Variants in UNKL observed in about 807,000 individuals in gnomAD.
UNKL encodes putative E3 ubiquitin-protein ligase UNKL.
In UNKL, 60 loss-of-function variants were observed where a neutral mutation model predicts 78.0. The ratio of observed to expected loss-of-function variants is 0.77; its 90% CI spans 0.63 to 0.95. The LOEUF (loss-of-function observed/expected upper bound fraction) is 0.95. Among genes scored for constraint, UNKL ranks in the 40% least tolerant of loss-of-function variants. UNKL has a pLI of 0.00. For synonymous variants in UNKL, 608 were observed against 474.8 expected, an observed-to-expected ratio of 1.28 and a Z score of -3.65; for missense variants, 1,159 against 1,045.7, an observed-to-expected ratio of 1.11 and a Z score of -1.49.
intron 14 of UNKL, among the ~76,000 whole-genome samples, chr16:1,366,806 G>T (rs1026603317): frequency 6.1e-4 from 92 of 151,828 alleles, no homozygotes; most frequent in African/African-American, 2.1e-3. Context: ...TCACAGCTGT[G>T]AACAGGGAGG....
At position 1,371,583 on chromosome 16, in the gene UNKL, A is replaced by G; in HGVS notation, c.1293T>C (p.Asn431=). The G allele has an allele frequency of 6.5e-7, 1 of 1,536,148 alleles. No homozygotes were observed. The highest frequency in any genetic ancestry group is 8.7e-7 in the Non-Finnish European group (1 of 1,146,906). ...LGSALDLHLS[N]VNIASLEKDL... is the part of the protein sequence containing the mutation. Reference sequence around the variant, plus strand: ...CCTTCTCTAGGGATGCAATATTCACATTGCTAAGATGCAGGTCTAACGCAG... The same window carrying G: ...CCTTCTCTAGGGATGCAATATTCACGTTGCTAAGATGCAGGTCTAACGCAG... The change falls in exon 11 of 15, where the codon AAT becomes AAC. Residue 431 remains asparagine, a synonymous_variant. Transcript: ENST00000389221.
chr16:1,407,555 G>A (rs1463136895), intron 2 of UNKL, among the ~76,000 whole-genome samples: 2 of 152,054 alleles, frequency 1.3e-5, no homozygotes, highest in African/African-American at 4.8e-5. Flanking sequence ...ATTCAGCTGG[G>A]CGTGGTGGTG....
At chr16:1,388,138 C>T (rs1201392418) in intron 9 of UNKL, among the ~76,000 whole-genome samples, 4 of 152,282 alleles carry the variant, frequency 2.6e-5, no homozygotes, top group East Asian at 1.9e-4. Context: ...CCGTGGACGA[C>T]GCTGGGGTTT....
intron 2 of UNKL, among the ~76,000 whole-genome samples, chr16:1,413,348 C>T (rs1454702822): frequency 6.6e-6 from 1 of 150,680 alleles, no homozygotes; most frequent in African/African-American, 2.4e-5. Context: ...GTGGGTGGAT[C>T]ACCTGAGGTT....
In UNKL at chr16:1,394,518, G is replaced by A. The variant is rs945163060; in HGVS notation, c.853-303C>T. The stretch of plus-strand genomic sequence containing the variant: ...TTCTGAAAGATGCACCAAATTCAGA[G>A]TCTGGTATGCAGCAGGTGCCTAATA... On this transcript the variant is annotated intron_variant, in intron 6 of 14. Coordinates refer to ENST00000389221, the MANE Select transcript of UNKL (RefSeq NM_001372107.1). 1.0e-5 allele frequency: 6 copies of A among 572,134 alleles called. No individual in the cohort carries two copies. In the African/African-American group the frequency reaches 1.1e-4, roughly 11 times the overall value. The allele number at this position is 572,134 out of a possible 1,614,324, so 35.4% of individuals were successfully genotyped here.
Position 1,403,066 on chromosome 16 carries a change from C to G in UNKL, c.464+102G>C. On this transcript the variant is annotated intron_variant, in intron 3 of 14. Transcript: ENST00000389221. This position sits in a 1 kb window ranked among gnomAD's most constrained non-coding sequence, Gnocchi z 4.8. ...AGGAGAGAGATTTGGGCCAGCAGAG[C>G]CTGCAGCAGCAGGGAGGCGAGCCAC... 2 of 1,356,882 alleles carry G rather than the reference C, an allele frequency of 1.5e-6. No homozygotes were observed. Among genetic ancestry groups the G allele is most frequent in the Non-Finnish European group, 2.0e-6 (2 of 1,016,718 alleles). 84.1% of individuals were successfully genotyped at this position (1,356,882 alleles called of 1,614,324 possible).
At chr16:1,390,487 G>C (rs1481110374) in intron 9 of UNKL, 145 bp downstream of exon 9, 6 of 785,606 alleles carry the variant, frequency 7.6e-6, no homozygotes, top group Non-Finnish European at 9.8e-6. Flanking sequence ...ACGTCAACCA[G>C]ATGGCTTTGC....
At chr16:1,378,105 A>G (rs1473350309) in intron 10 of UNKL, among the ~76,000 whole-genome samples, 3 of 152,126 alleles carry the variant, frequency 2.0e-5, no homozygotes, top group Non-Finnish European at 4.4e-5. Context: ...AAGATCAGCC[A>G]CACCAGTCCC....
In UNKL at chr16:1,399,176, G is replaced by T; in HGVS notation, c.734+198C>A. On this transcript the variant is annotated intron_variant, in intron 5 of 14. Transcript: ENST00000389221. The surrounding 1 kb of genome is among the most constrained non-coding windows in gnomAD (Gnocchi z 5.8). ...GGAGACACTGAGCGTAGGTGGGGAG[G>T]CCCATCCCCAGGACAGACGCGTGGG... 1 of 1,139,088 alleles carries T rather than the reference G, an allele frequency of 8.8e-7. No homozygotes were observed. Among genetic ancestry groups the T allele is most frequent in the Non-Finnish European group, 1.2e-6 (1 of 833,906 alleles). The allele number at this position is 1,139,088 out of a possible 1,614,324, so 70.6% of individuals were successfully genotyped here.
intron 2 of UNKL, among the ~76,000 whole-genome samples, chr16:1,408,228 C>T (rs1204657504): frequency 6.6e-6 from 1 of 151,538 alleles, no homozygotes; most frequent in Non-Finnish European, 1.5e-5. Context: ...GCTACACCCC[C>T]GGGGCCTCAA....
chr16:1,377,387 T>C (rs1158645945), intron 10 of UNKL, among the ~76,000 whole-genome samples: 1 of 152,024 alleles, frequency 6.6e-6, no homozygotes, highest in Non-Finnish European at 1.5e-5. Context: ...GATGCCCCTG[T>C]TGGTCCTGCC....
chr16:1,385,289 A>G lies in UNKL; in HGVS notation c.1183T>C (p.Ser395Pro). ...GGCGCGGGCAGCGCAGTGGGGGAGG[A>G]GCTGCCGGAGCCGGCGCTGGACGCC... ...SLASSAGSGS[S>P]SPTALPAPPA... The change falls in exon 10 of 15, where the codon TCC (serine) becomes CCC (proline). Residue 395 changes from serine (S) to proline (P), a missense_variant. Physicochemically the swap from Ser to Pro is moderately conservative, Grantham distance 74. Coordinates refer to ENST00000389221, the MANE Select transcript of UNKL (RefSeq NM_001372107.1). 1 of 1,370,054 alleles carries G rather than the reference A, an allele frequency of 7.3e-7. No individual in the cohort carries two copies. The highest frequency in any genetic ancestry group is 9.4e-7 in the Non-Finnish European group (1 of 1,067,094). 84.9% of individuals were successfully genotyped at this position (1,370,054 alleles called of 1,614,324 possible).
chr16:1,405,820 A>G, intron 2 of UNKL: 3 of 385,242 alleles, frequency 7.8e-6, no homozygotes, highest in South Asian at 5.4e-5. Flanking sequence ...TCACGCTCCA[A>G]TGCCCTGGAC....
In UNKL at chr16:1,414,676, T is replaced by C; in HGVS notation, c.16A>G (p.Lys6Glu). 1 of 1,151,680 alleles carries C rather than the reference T, an allele frequency of 8.7e-7. No homozygotes were observed. 71.3% of individuals were successfully genotyped at this position (1,151,680 alleles called of 1,614,324 possible). ...CCGCTCAGCGCCGCTGCCGCCGCTT[T>C]CGAAACCGACGGCATTTTCAGTCAA... MPSVS[K>E]AAAAALSGSP... Residue 6 changes from lysine to glutamate, a missense_variant, in exon 1 of 15, where the codon AAA becomes GAA. Physicochemically the swap from Lys to Glu is moderately conservative, Grantham distance 56 (BLOSUM62 1). Transcript: ENST00000389221.
intron 10 of UNKL, chr16:1,379,702 C>T (rs1056734778): frequency 1.0e-6 from 1 of 983,960 alleles, no homozygotes; most frequent in Non-Finnish European, 1.2e-6. Flanking sequence ...GCGCCCCGCC[C>T]CCTCCGCGCT....
rs549554206 is a variant in UNKL, at chr16:1,380,554, G to A, written c.1264+4654C>T. Among the ~76,000 whole-genome samples, 144 of 151,688 alleles carry A rather than the reference G, an allele frequency of 9.5e-4. 1 individual carries two copies. The highest frequency in any genetic ancestry group is 3.1e-3 in the African/African-American group (130 of 41,300). On this transcript the variant is annotated intron_variant, in intron 10 of 14. Coordinates refer to ENST00000389221, the MANE Select transcript of UNKL (RefSeq NM_001372107.1). ...GAAAAAAGTGAGGCTGGCACTGGGT[G>A]GCAAAGCTCACAATTTCAGCCGCAG...
chr16:1,390,565 G>C lies in UNKL; in HGVS notation c.1086+67C>G, dbSNP rs576647814. The C allele has an allele frequency of 1.3e-5, 19 of 1,498,460 alleles. 1 individual carries two copies. The South Asian group carries it at 2.2e-4, about 17-fold the overall frequency. 92.8% of individuals were successfully genotyped at this position (1,498,460 alleles called of 1,614,324 possible). On this transcript the variant is annotated intron_variant, in intron 9 of 14. Coordinates refer to ENST00000389221, the MANE Select transcript of UNKL (RefSeq NM_001372107.1). ...TAACGCGATGCCACGGGTCAGGCAC[G>C]AGGGCGGGAAGCCTCAGCCCTAACG...
chr16:1,376,513 T>G (rs914137992), intron 10 of UNKL, among the ~76,000 whole-genome samples: 7 of 152,256 alleles, frequency 4.6e-5, no homozygotes, highest in Middle Eastern at 3.4e-3. Flanking sequence ...TCCTCCTTCA[T>G]GGCTGGCAGC....
rs1567228770 is a variant in UNKL at position 1,397,251 on chromosome 16, TC to T, written c.778del (p.Glu260AsnfsTer59). 1.4e-5 allele frequency: 21 copies of T among 1,541,872 alleles called. No individual in the cohort carries two copies. Among genetic ancestry groups the T allele is most frequent in the East Asian group, 7.3e-5 (3 of 40,892 alleles). On this transcript the variant is annotated frameshift_variant, in exon 6 of 15. Transcript: ENST00000389221. LOFTEE classifies it high-confidence loss of function. Reference protein sequence around the residue: ...PSVKHGDEWGEPSRCDGGDGC... With the variant: ...PSVKHGDEWGXPSRCDGGDGC... ...GTCGCCGCCATCGCAGCGTGAGGGTTCCCCCCACTCATCCCCGTGCTTCACA... is the reference window on the plus strand; with the variant it reads ...GTCGCCGCCATCGCAGCGTGAGGGTTCCCCCACTCATCCCCGTGCTTCACA...
Sources: gnomAD v4.1 joint callset for allele counts (sites outside exome capture counted in the v4.1 genomes callset) on GRCh38, gnomAD v4.1.1 for gene constraint, Gnocchi (gnomAD v3.1) non-coding constraint, MANE v1.5 for transcripts, NCBI Gene and HGNC (gene_info 2026-07-23, HGNC 2026-07-21) for gene names.